The following STIM1 variants were observed in gnomAD, a reference collection of about 807,000 sequenced individuals.
STIM1 encodes stromal interaction molecule 1.
In STIM1, 25 loss-of-function variants were observed where a neutral mutation model predicts 74.7. The ratio of observed to expected loss-of-function variants is 0.33; its 90% CI spans 0.24 to 0.47. The LOEUF is 0.47. Among genes scored for constraint, STIM1 ranks in the 20% least tolerant of loss-of-function variants. The probability of loss-of-function intolerance (pLI) is 1.00; values close to 1 mark genes in which losing one functional copy is unlikely to be tolerated. For missense variants in STIM1, 728 were observed against 920.8 expected, an observed-to-expected ratio of 0.79 and a Z score of 2.71; for synonymous variants, 328 against 348.8, an observed-to-expected ratio of 0.94 and a Z score of 0.66.
chr11:4,058,947 G>A, intron 4 of STIM1: 2 of 1,145,648 alleles, frequency 1.7e-6, no homozygotes, highest in Non-Finnish European at 2.2e-6. Flanking sequence ...ATGGTAGGAG[G>A]TGGGGAAAAT....
intron 2 of STIM1, among the ~76,000 whole-genome samples, chr11:4,016,662 A>G (rs1205266346): frequency 6.6e-6 from 1 of 152,226 alleles, no homozygotes; most frequent in Non-Finnish European, 1.5e-5. Flanking sequence ...CCAGAGATGG[A>G]ATCTAGAGAG....
At position 3,946,228 on chromosome 11, in the gene STIM1, A is replaced by C. The variant is rs576074373; in HGVS notation, c.140-21324A>C. Among the ~76,000 whole-genome samples, 3 of 152,328 alleles carry C rather than the reference A, an allele frequency of 2.0e-5. No homozygotes were observed. In the South Asian group the frequency reaches 6.2e-4, roughly 32 times the overall value. ...TACTAATTTTATGATCATGAGCAAG[A>C]GACTTGCCCTCTCTACACCCCAGTT... On this transcript the variant is annotated intron_variant, in intron 1 of 12. Coordinates refer to ENST00000526596, the MANE Select transcript of STIM1 (RefSeq NM_001382567.1).
At chr11:3,905,899 TG>T (rs761761797) in intron 1 of STIM1, among the ~76,000 whole-genome samples, 1 of 152,232 alleles carries the variant, frequency 6.6e-6, no homozygotes, top group Non-Finnish European at 1.5e-5. Flanking sequence ...GGTAGAGTTC[TG>T]GGGCTAGTGC....
chr11:3,986,944 C>A (rs556212045), intron 2 of STIM1, among the ~76,000 whole-genome samples: 19 of 152,232 alleles, frequency 1.2e-4, no homozygotes, highest in Non-Finnish European at 2.4e-4. Flanking sequence ...CATAGGCATA[C>A]ACCTCAGCAG....
intron 1 of STIM1, among the ~76,000 whole-genome samples, chr11:3,901,349 C>A (rs1313252390): frequency 6.6e-6 from 1 of 152,102 alleles, no homozygotes; most frequent in African/African-American, 2.4e-5. Flanking sequence ...AACATGTAAT[C>A]TTTTTTTATC....
intron 1 of STIM1, among the ~76,000 whole-genome samples, chr11:3,886,532 C>G (rs187904134): frequency 6.8e-6 from 1 of 147,600 alleles, no homozygotes; most frequent in African/African-American, 2.5e-5. Context: ...ACTAAAAATA[C>G]AAGAAATTAG....
intron 2 of STIM1, among the ~76,000 whole-genome samples, chr11:4,010,889 C>T (rs969667069): frequency 4.1e-4 from 62 of 152,200 alleles, no homozygotes; most frequent in African/African-American, 1.4e-3. Flanking sequence ...CCCCAACAGG[C>T]CCTGGTGTAT....
At chr11:3,906,815 GT>G (rs1237988035) in intron 1 of STIM1, among the ~76,000 whole-genome samples, 4 of 152,188 alleles carry the variant, frequency 2.6e-5, no homozygotes, top group African/African-American at 7.2e-5. Flanking sequence ...AAAGCAATAA[GT>G]AGATGTCTTA....
At chr11:3,874,676 C>A (rs1185389337) in intron 1 of STIM1, among the ~76,000 whole-genome samples, 2 of 152,226 alleles carry the variant, frequency 1.3e-5, no homozygotes, top group African/African-American at 4.8e-5. Flanking sequence ...TCAGACTACT[C>A]TGCCTCTCGC....
chr11:3,890,189 T>C (rs950191938), intron 1 of STIM1, among the ~76,000 whole-genome samples: 4 of 152,184 alleles, frequency 2.6e-5, no homozygotes, highest in Admixed American at 6.5e-5. Flanking sequence ...CTCTGGACCT[T>C]AGTGGCATTA....
In STIM1 at chr11:3,888,861, T is replaced by C. The variant is rs147873899; in HGVS notation, c.139+32452T>C. On this transcript the variant is annotated intron_variant, in intron 1 of 12. Transcript: ENST00000526596. ...GCCACCATGCCCGGCCGCCGTGTAG[T>C]CTTTAATGCAGTTTTGAGGGACTCA... Among the ~76,000 whole-genome samples the C allele has an allele frequency of 3.0e-4, 45 of 152,130 alleles. No individual in the cohort carries two copies. In the East Asian group the frequency reaches 8.5e-3, roughly 29 times the overall value.
At chr11:4,051,714 A>T (rs2094243855) in intron 3 of STIM1, among the ~76,000 whole-genome samples, 1 of 151,942 alleles carries the variant, frequency 6.6e-6, no homozygotes, top group African/African-American at 2.4e-5. Context: ...TGGCGTGATC[A>T]TGGCTCTCTG....
intron 2 of STIM1, among the ~76,000 whole-genome samples, chr11:3,993,834 T>G (rs1479046134): frequency 6.6e-6 from 1 of 152,234 alleles, no homozygotes; most frequent in Non-Finnish European, 1.5e-5. Flanking sequence ...TTTTAAGAAC[T>G]TATCATCATC....
chr11:4,092,187 C>T lies in STIM1; in HGVS notation c.*389C>T. 2 of 329,486 alleles carry T rather than the reference C, an allele frequency of 6.1e-6. No homozygotes were observed. Among genetic ancestry groups the T allele is most frequent in the South Asian group, 2.8e-5 (1 of 35,652 alleles). The allele number at this position is 329,486 out of a possible 1,614,324, so 20.4% of individuals were successfully genotyped here. A position where few individuals can be genotyped will look rare whatever the true frequency, so the allele number is the denominator to read the frequency against. ...TTCGGGCTCCTCCCTCCCACCACTC[C>T]CCAACTTCCCCTAGCAGTTGCAGGG... On this transcript the variant is annotated 3_prime_UTR_variant, in exon 13 of 13. Coordinates refer to ENST00000526596, the MANE Select transcript of STIM1 (RefSeq NM_001382567.1).
chr11:3,974,966 A>C (rs553340685), intron 2 of STIM1, among the ~76,000 whole-genome samples: 5 of 152,300 alleles, frequency 3.3e-5, no homozygotes, highest in Non-Finnish European at 5.9e-5. Context: ...TGGAGCCTAC[A>C]TGGCAAATCA....
intron 3 of STIM1, among the ~76,000 whole-genome samples, chr11:4,043,431 G>T (rs2959072): frequency 6.6e-6 from 1 of 151,974 alleles, no homozygotes; most frequent in African/African-American, 2.4e-5. Context: ...CTTTACCTCC[G>T]TAAGTAGTCT....
intron 1 of STIM1, among the ~76,000 whole-genome samples, chr11:3,915,791 C>T (rs999585210): frequency 6.6e-6 from 1 of 152,146 alleles, no homozygotes; most frequent in Non-Finnish European, 1.5e-5. Flanking sequence ...CATGGTGGCT[C>T]ACATGTGTAA....
chr11:3,974,925 G>C (rs2093431753), intron 2 of STIM1, among the ~76,000 whole-genome samples: 1 of 152,166 alleles, frequency 6.6e-6, no homozygotes, highest in Non-Finnish European at 1.5e-5. Context: ...GACTGGACCA[G>C]ACTTTTTGAG....
At chr11:4,072,535 G>A (rs147957414) in intron 6 of STIM1, among the ~76,000 whole-genome samples, 1 of 152,316 alleles carries the variant, frequency 6.6e-6, no homozygotes, top group East Asian at 1.9e-4. Context: ...TTGCCTTGGA[G>A]TGGGGCAGTG....
Sources: allele counts gnomAD v4.1 joint callset (sites outside exome capture counted in the v4.1 genomes callset), GRCh38; gene constraint gnomAD v4.1.1; transcripts MANE v1.5; gene names NCBI Gene and HGNC (gene_info 2026-07-23, HGNC 2026-07-21).